TNC: variants seen among roughly 807,000 people sequenced by gnomAD.
TNC encodes the protein tenascin C.
Under a neutral mutation model 202.4 loss-of-function variants are expected in TNC, and 109 were observed. The ratio of observed to expected loss-of-function variants is 0.54; its 90% confidence interval spans 0.46 to 0.63. The LOEUF (loss-of-function observed/expected upper bound fraction) is 0.63, where lower values mean the gene tolerates loss of function less well. Among genes scored for constraint, TNC ranks in the 30% least tolerant of loss-of-function variants. The probability of loss-of-function intolerance (pLI) is 0.00; values close to 1 mark genes in which losing one functional copy is unlikely to be tolerated. For missense variants in TNC, 2,756 were observed against 2,833.3 expected (o/e 0.97, Z 0.62); for synonymous variants, 1,007 against 1,089.7 (o/e 0.92, Z 1.50).
At position 115,076,533 on chromosome 9, in the gene TNC, T is replaced by C. The variant is rs781156793; in HGVS notation, c.2717A>G (p.Asp906Gly). ...CCTCCATTCCAGGGTGATGCTGTTA[T>C]CTGTCTGGGAAACACGTCGAAGATT... is the stretch of plus-strand genomic sequence containing the variant. Reference protein sequence around the residue: ...PRNLRRVSQTDNSITLEWRNG... With the variant: ...PRNLRRVSQTGNSITLEWRNG... Residue 906 changes from aspartate to glycine, a missense_variant, in exon 8 of 28, where the codon GAT becomes GGT. Asp to Gly is a moderately conservative substitution (Grantham distance 94). Transcript: ENST00000350763. 3 of 1,614,212 alleles carry C rather than the reference T, an allele frequency of 1.9e-6. No individual in the cohort carries two copies. The highest frequency in any genetic ancestry group is 2.5e-6 in the Non-Finnish European group (3 of 1,180,046).
intron 15 of TNC, among the ~76,000 whole-genome samples, chr9:115,052,079 CAT>C (rs3035495): frequency 0.18 from 26,618 of 146,734 alleles, 2,470 homozygotes; most frequent in Middle Eastern, 0.26. Context: ...TGTATATATA[CAT>C]ATATATATAT....
At chr9:115,080,727 A>G (rs1834240905) in intron 6 of TNC, among the ~76,000 whole-genome samples, 1 of 152,118 alleles carries the variant, frequency 6.6e-6, no homozygotes, top group Non-Finnish European at 1.5e-5. Context: ...CCTGGCCAAC[A>G]TGCTGAAACC....
intron 22 of TNC, among the ~76,000 whole-genome samples, chr9:115,034,860 C>T (rs943997660): frequency 2.0e-5 from 3 of 152,144 alleles, no homozygotes; most frequent in African/African-American, 7.2e-5. Flanking sequence ...TATAAAGATA[C>T]CATCTGTGAG....
At chr9:115,074,597 G>C (rs1285952159) in intron 9 of TNC, among the ~76,000 whole-genome samples, 1 of 152,214 alleles carries the variant, frequency 6.6e-6, no homozygotes, top group Non-Finnish European at 1.5e-5. Flanking sequence ...CATTTATGCA[G>C]CATTCCTTGA....
chr9:115,074,891 T>G (rs1833724506), intron 9 of TNC, among the ~76,000 whole-genome samples: 1 of 152,222 alleles, frequency 6.6e-6, no homozygotes, highest in Non-Finnish European at 1.5e-5. Context: ...AGTTGTTATA[T>G]TAGTCTACAT....
Position 115,036,218 on chromosome 9 carries a change from A to G in TNC, c.5536T>C (p.Ser1846Pro). ...AGAGCATACTCCACTGTGTTCCCGGACACCGTGCGTGTAATTTCTGGCACT... is the reference window on the plus strand; with the variant it reads ...AGAGCATACTCCACTGTGTTCCCGGGCACCGTGCGTGTAATTTCTGGCACT... ...EKVPEITRTV[S>P]GNTVEYALTD... Residue 1846 changes from serine to proline, a missense_variant, in exon 21 of 28, where the codon TCC becomes CCC. This residue lies in a region of TNC where 2,559 missense variants were observed against 2,546.0 expected (regional missense o/e 1.01). Coordinates refer to ENST00000350763, the MANE Select transcript of TNC (RefSeq NM_002160.4). The G allele has an allele frequency of 6.2e-7, 1 of 1,614,104 alleles. No individual in the cohort carries two copies.
chr9:115,108,610 A>G (rs1418210081), intron 1 of TNC, among the ~76,000 whole-genome samples: 1 of 152,162 alleles, frequency 6.6e-6, no homozygotes, highest in Non-Finnish European at 1.5e-5. Context: ...AAATTGTGCT[A>G]TAAGTTTATG....
At chr9:115,063,771 G>T in intron 12 of TNC, 25 bp downstream of exon 12, 2 of 1,596,302 alleles carry the variant, frequency 1.3e-6, no homozygotes, top group Admixed American at 3.4e-5. Context: ...GGGAGGAAGT[G>T]AATTAGTGAA....
chr9:115,052,414 T>A (rs367695484), intron 15 of TNC, among the ~76,000 whole-genome samples: 1 of 151,796 alleles, frequency 6.6e-6, no homozygotes, highest in Non-Finnish European at 1.5e-5. Context: ...CCATAGTTAA[T>A]AATAACATAT....
At chr9:115,026,219 A>G (rs929563583) in intron 26 of TNC, among the ~76,000 whole-genome samples, 1 of 152,046 alleles carries the variant, frequency 6.6e-6, no homozygotes, top group African/African-American at 2.4e-5. Context: ...GCCTTTGGGG[A>G]ATTTTTTTTT....
intron 1 of TNC, among the ~76,000 whole-genome samples, chr9:115,094,815 CTCTGTGTGTGTGTGTGTGTGTG>C (rs1257910952): frequency 1.7e-4 from 21 of 125,230 alleles, no homozygotes; most frequent in African/African-American, 3.7e-4. Flanking sequence ...GAACAAGTGC[CTCTGTGTGTGTGTGTGTGTGTG>C]TGTGTGTGTG....
At chr9:115,094,817 C>T (rs2989516) in intron 1 of TNC, among the ~76,000 whole-genome samples, 1 of 29,818 alleles carries the variant, frequency 3.4e-5, no homozygotes, top group Non-Finnish European at 8.2e-5. Context: ...ACAAGTGCCT[C>T]TGTGTGTGTG....
chr9:115,061,615 A>G (rs1426492545), intron 13 of TNC, among the ~76,000 whole-genome samples: 1 of 152,202 alleles, frequency 6.6e-6, no homozygotes, highest in Admixed American at 6.5e-5. Context: ...AGCAACCACC[A>G]AGTTTATCTG....
rs191421425 is a variant in TNC, at chr9:115,065,513, A to C, written c.3215-594T>G. On this transcript the variant is annotated intron_variant, in intron 10 of 27. Transcript: ENST00000350763. Reference sequence around the variant, plus strand: ...ATTTAGAAAACTATATGTCTATGTTAGCGATGCTCTGAGCTTCAGTTTTCA... The same window carrying C: ...ATTTAGAAAACTATATGTCTATGTTCGCGATGCTCTGAGCTTCAGTTTTCA... 2.0e-5 allele frequency among the ~76,000 whole-genome samples: 3 copies of C among 152,336 alleles called. No homozygotes were observed. The East Asian group carries it at 5.8e-4, about 29-fold the overall frequency.
chr9:115,071,581 A>C (rs893695670), intron 10 of TNC, among the ~76,000 whole-genome samples: 4 of 152,292 alleles, frequency 2.6e-5, no homozygotes, highest in Non-Finnish European at 2.9e-5. Context: ...AGGTTTTCTC[A>C]CTGGAGGAAG....
Position 115,086,210 on chromosome 9 carries a change from G to T in TNC, c.1521C>A (p.Asn507Lys), listed in dbSNP as rs755135737. ...RDRQCPRDCS[N>K]RGLCVDGQCV... The stretch of plus-strand genomic sequence containing the variant: ...ACTGTCCGTCCACACAGAGGCCCCT[G>T]TTGCTGCAGTCCCTGGGGCATTGGC... The change falls in exon 3 of 28, where the codon AAC becomes AAA. Residue 507 changes from asparagine to lysine, a missense_variant. By Grantham distance (94) the Asn-to-Lys change is moderately conservative. Transcript: ENST00000350763. The T allele has an allele frequency of 8.1e-6, 13 of 1,614,086 alleles. 1 individual carries two copies. The Admixed American group carries it at 2.2e-4, about 27-fold the overall frequency.
chr9:115,055,176 C>G (rs1021359778), intron 15 of TNC, among the ~76,000 whole-genome samples: 2 of 152,052 alleles, frequency 1.3e-5, no homozygotes, highest in Non-Finnish European at 2.9e-5. Flanking sequence ...AAAGATTATT[C>G]AAGATCAGAT....
intron 1 of TNC, among the ~76,000 whole-genome samples, chr9:115,105,716 C>T: frequency 6.6e-6 from 1 of 152,166 alleles, no homozygotes; most frequent in East Asian, 1.9e-4. Flanking sequence ...ACAGCATTTT[C>T]TAAAGTGTAA....
At chr9:115,104,137 G>T (rs1038287054) in intron 1 of TNC, among the ~76,000 whole-genome samples, 1 of 152,116 alleles carries the variant, frequency 6.6e-6, no homozygotes, top group African/African-American at 2.4e-5. Context: ...GTAAAATTCT[G>T]GAAAATTATT....
Sources: gnomAD v4.1 joint callset for allele counts (sites outside exome capture counted in the v4.1 genomes callset) on GRCh38, gnomAD v4.1.1 for gene constraint, gnomAD v4.1.1 regional missense constraint, MANE v1.5 for transcripts, NCBI Gene and HGNC (gene_info 2026-07-23, HGNC 2026-07-21) for gene names.